HECW1: variants seen among roughly 807,000 people sequenced by gnomAD.
HECW1 encodes the protein E3 ubiquitin-protein ligase HECW1.
In HECW1, 61 loss-of-function variants were observed where a neutral mutation model predicts 182.3. The observed-to-expected ratio is 0.33, with a 90% confidence interval of 0.27 to 0.41. The LOEUF (loss-of-function observed/expected upper bound fraction) is 0.41. Ranked by LOEUF, HECW1 falls within the 10% of genes least tolerant of loss-of-function variation. The pLI is 1.00. For missense variants in HECW1, 1,739 were observed against 2,108.9 expected (o/e 0.82, Z 3.44); for synonymous variants, 859 against 832.6 (o/e 1.03, Z -0.55).
chr7:43,219,907 A>T (rs541944524), intron 2 of HECW1, among the ~76,000 whole-genome samples: 15 of 152,160 alleles, frequency 9.9e-5, no homozygotes, highest in Non-Finnish European at 2.1e-4. Context: ...TTTTGTGGGC[A>T]GGAAATGGAC....
In HECW1 at chr7:43,114,185, A is replaced by G; in HGVS notation, c.-238A>G. ...TCAATGCTATGTTCAGCAGAAACGG[A>G]TACAGCAAGAGCAGCATAGTTCAAA... is the stretch of plus-strand genomic sequence containing the variant. On this transcript the variant is annotated 5_prime_UTR_variant, in exon 2 of 30. Transcript: ENST00000395891. 8.0e-7 allele frequency: 1 copy of G among 1,246,074 alleles called. No individual in the cohort carries two copies. The highest frequency in any genetic ancestry group is 1.5e-5 in the African/African-American group (1 of 66,178). 77.2% of individuals were successfully genotyped at this position (1,246,074 alleles called of 1,614,324 possible). A position where few individuals can be genotyped will look rare whatever the true frequency, so the allele number is the denominator to read the frequency against.
rs34791514 is a variant in HECW1, at chr7:43,232,021, C to CA, written c.-31-11833dup. On this transcript the variant is annotated intron_variant, in intron 2 of 29. Coordinates refer to ENST00000395891, the MANE Select transcript of HECW1 (RefSeq NM_015052.5). Reference sequence around the variant, plus strand: ...TGGGCGACAGAGCGAGACTCCATCTCAAAAAAAAAAAAAAAAAAAAAGGAA... The same window carrying CA: ...TGGGCGACAGAGCGAGACTCCATCTCAAAAAAAAAAAAAAAAAAAAAAGGAA... Among the ~76,000 whole-genome samples, 564 of 70,742 alleles carry CA rather than the reference C, an allele frequency of 8.0e-3. 4 individuals are homozygous for CA. Among genetic ancestry groups the CA allele is most frequent in the East Asian group, 0.014 (35 of 2,440 alleles). 46.4% of individuals were successfully genotyped at this position (70,742 alleles called of 152,430 possible).
Position 43,372,034 on chromosome 7 carries a change from C to G in HECW1, c.555+11054C>G, listed in dbSNP as rs530983231. Among the ~76,000 whole-genome samples, 8 of 152,226 alleles carry G rather than the reference C, an allele frequency of 5.3e-5. No individual in the cohort carries two copies. In the South Asian group the frequency reaches 1.7e-3, roughly 32 times the overall value. On this transcript the variant is annotated intron_variant, in intron 6 of 29. Transcript: ENST00000395891. The stretch of plus-strand genomic sequence containing the variant: ...ATGGGATTTCACCATGTTGGCCAGT[C>G]TGGTCTTGAACTCCTGACCTCAGGA...
At chr7:43,441,759 G>T (rs1425573077) in intron 9 of HECW1, among the ~76,000 whole-genome samples, 1 of 152,154 alleles carries the variant, frequency 6.6e-6, no homozygotes, top group East Asian at 1.9e-4. Context: ...ACTGAAATTT[G>T]AATTTCATAT....
chr7:43,538,414 G>A (rs767465211), intron 24 of HECW1, among the ~76,000 whole-genome samples: 1 of 152,216 alleles, frequency 6.6e-6, no homozygotes, highest in Non-Finnish European at 1.5e-5. Flanking sequence ...CACAAGAGAT[G>A]TTGGTAGCTA....
At chr7:43,283,786 G>C (rs1804238866) in intron 3 of HECW1, among the ~76,000 whole-genome samples, 1 of 152,206 alleles carries the variant, frequency 6.6e-6, no homozygotes, top group South Asian at 2.1e-4. Flanking sequence ...CATAAGACTG[G>C]ACACAGCTGG....
At chr7:43,124,445 C>T (rs1785985869) in intron 2 of HECW1, among the ~76,000 whole-genome samples, 1 of 152,220 alleles carries the variant, frequency 6.6e-6, no homozygotes, top group African/African-American at 2.4e-5. Flanking sequence ...TCATAGAATG[C>T]TGTCTGGATA....
In HECW1 at chr7:43,432,182, C is replaced by T. The variant is rs2076572502; in HGVS notation, c.802-5821C>T. Among the ~76,000 whole-genome samples the T allele has an allele frequency of 4.0e-5, 6 of 149,924 alleles. No individual in the cohort carries two copies. The highest frequency in any genetic ancestry group is 4.0e-4 in the Admixed American group (6 of 15,062). On this transcript the variant is annotated intron_variant, in intron 8 of 29. Coordinates refer to ENST00000395891, the MANE Select transcript of HECW1 (RefSeq NM_015052.5). This position sits in a 1 kb window ranked among gnomAD's most constrained non-coding sequence, Gnocchi z 4.1. The stretch of plus-strand genomic sequence containing the variant: ...TGAGACGGAGTCTCGCTCTGTCGCC[C>T]GGGCTGGAGTGCAGTGGCGGGATCT...
At chr7:43,545,076 C>T (rs1274327357) in intron 26 of HECW1, among the ~76,000 whole-genome samples, 2 of 152,082 alleles carry the variant, frequency 1.3e-5, no homozygotes, top group East Asian at 1.9e-4. Context: ...CCAGCCTGGG[C>T]AACATAGCAA....
At chr7:43,487,800 A>T (rs895405087) in intron 17 of HECW1, among the ~76,000 whole-genome samples, 1 of 151,984 alleles carries the variant, frequency 6.6e-6, no homozygotes, top group Admixed American at 6.6e-5. Flanking sequence ...CTACAAAAAC[A>T]TTTTTAAAAT....
chr7:43,422,645 A>T (rs1474969740), intron 8 of HECW1, among the ~76,000 whole-genome samples: 1 of 152,092 alleles, frequency 6.6e-6, no homozygotes, highest in Non-Finnish European at 1.5e-5. Flanking sequence ...CTGGGATTAC[A>T]AGCATGAGCC....
intron 6 of HECW1, among the ~76,000 whole-genome samples, chr7:43,389,476 G>A (rs2152833220): frequency 6.6e-6 from 1 of 152,278 alleles, no homozygotes; most frequent in South Asian, 2.1e-4. Flanking sequence ...TTTTAGAACA[G>A]TCTGCACTAC....
chr7:43,319,775 ATTTT>A (rs10604163), intron 4 of HECW1, among the ~76,000 whole-genome samples: 2 of 105,524 alleles, frequency 1.9e-5, no homozygotes, highest in African/African-American at 5.0e-5. Flanking sequence ...AATTTTTGTA[ATTTT>A]TTTTTTTTTT....
At chr7:43,119,975 CTCAT>C (rs879445221) in intron 2 of HECW1, among the ~76,000 whole-genome samples, 4 of 152,200 alleles carry the variant, frequency 2.6e-5, no homozygotes, top group African/African-American at 9.7e-5. Flanking sequence ...TGGAAGTCTT[CTCAT>C]TCATTCATTC....
intron 8 of HECW1, among the ~76,000 whole-genome samples, chr7:43,416,829 G>A (rs1171033939): frequency 8.5e-6 from 1 of 117,378 alleles, no homozygotes; most frequent in Non-Finnish European, 1.8e-5. Context: ...GACTCGGAAA[G>A]GGAACTCCCT....
At chr7:43,358,275 C>G (rs1261902619) in intron 5 of HECW1, among the ~76,000 whole-genome samples, 1 of 152,194 alleles carries the variant, frequency 6.6e-6, no homozygotes, top group Non-Finnish European at 1.5e-5. Flanking sequence ...CTTCCCTGAT[C>G]CCTGACTTAT....
intron 2 of HECW1, among the ~76,000 whole-genome samples, chr7:43,183,397 C>T (rs1336131861): frequency 2.0e-5 from 3 of 152,092 alleles, no homozygotes; most frequent in African/African-American, 4.8e-5. Flanking sequence ...ACATCCTCCG[C>T]CCTCAATACA....
intron 3 of HECW1, among the ~76,000 whole-genome samples, chr7:43,270,400 A>G (rs756606761): frequency 6.6e-6 from 1 of 152,132 alleles, no homozygotes; most frequent in African/African-American, 2.4e-5. Flanking sequence ...TCAGCTAGCA[A>G]CTCGGGCTCT....
chr7:43,434,686 A>C (rs1860754), intron 8 of HECW1, among the ~76,000 whole-genome samples: 76,299 of 151,878 alleles, frequency 0.5, 19,499 homozygotes, highest in Middle Eastern at 0.59. Context: ...GGCATGGAGA[A>C]AAGGGCCTGG....
Sources: gnomAD v4.1 joint callset for allele counts (sites outside exome capture counted in the v4.1 genomes callset) on GRCh38, gnomAD v4.1.1 for gene constraint, Gnocchi (gnomAD v3.1) non-coding constraint, MANE v1.5 for transcripts, NCBI Gene and HGNC (gene_info 2026-07-23, HGNC 2026-07-21) for gene names.